EPG5: variants seen among roughly 807,000 people sequenced by gnomAD.
The protein encoded by EPG5 is ectopic P granules protein 5 homolog.
EPG5 carries 159 observed loss-of-function variants against 302.7 expected under a neutral mutation model. That is an observed-to-expected ratio of 0.53 (90% confidence interval 0.46 to 0.60). The LOEUF is 0.60. Among genes scored for constraint, EPG5 ranks in the 20% least tolerant of loss-of-function variants. The pLI is 0.00. For synonymous variants in EPG5, 1,158 were observed against 1,136.8 expected (o/e 1.02, Z -0.37); for missense variants, 2,896 against 3,092.4 (o/e 0.94, Z 1.51).
Position 45,939,590 on chromosome 18 carries a change from TCTTA to T in EPG5, c.2099+6_2099+9del, listed in dbSNP as rs749593041. On this transcript the variant is annotated splice_donor_region_variant and intron_variant, in intron 10 of 43. Transcript: ENST00000282041. ...ACTTCTCACTAAATATCATCATATG[TCTTA>T]CTTACCTTTTGGCCTTCAGCACATG... 5.0e-6 allele frequency: 8 copies of T among 1,613,688 alleles called. No individual in the cohort carries two copies. In the African/African-American group the frequency reaches 9.3e-5, roughly 19 times the overall value.
At chr18:45,868,333 TTTTTCC>T (rs2145284498) in intron 36 of EPG5, among the ~76,000 whole-genome samples, 1 of 150,026 alleles carries the variant, frequency 6.7e-6, no homozygotes, top group African/African-American at 2.5e-5. Flanking sequence ...GCCTTTTTCC[TTTTTCC>T]TTTTTTTTTT....
intron 1 of EPG5, among the ~76,000 whole-genome samples, chr18:45,966,435 C>CGTATATATGTATATATGTGTACATAT (rs2051265281): frequency 7.1e-6 from 1 of 141,652 alleles, no homozygotes; most frequent in Non-Finnish European, 1.5e-5. Flanking sequence ...TATATATGTA[C>CGTATATATGTATATATGTGTACATAT]GTATATATGT....
chr18:45,901,210 T>C lies in EPG5; in HGVS notation c.4475-43A>G, dbSNP rs1313286623. On this transcript the variant is annotated intron_variant, in intron 25 of 43. Transcript: ENST00000282041. ...CATATATACTGAGCAATCAGGTGAA[T>C]TAGCAGGAGAACAGAAGCATGTGGT... 3 of 1,548,768 alleles carry C rather than the reference T, an allele frequency of 1.9e-6. No individual in the cohort carries two copies. In the African/African-American group the frequency reaches 4.1e-5, roughly 21 times the overall value.
rs772879937 is a variant in EPG5, at chr18:45,879,030, G to A, written c.5852C>T (p.Thr1951Ile). ...LEMTCLAQDP[T>I]ASRKTVLKSL... is the part of the protein sequence containing the mutation. ...TATATTACCTGTTTTCCTGCTGGCA[G>A]TTGGGTCTTGGGCCAAACAGGTCAT... The change falls in exon 33 of 44, where the codon ACT becomes ATT. Residue 1951 changes from threonine (T) to isoleucine (I), a missense_variant. Coordinates refer to ENST00000282041, the MANE Select transcript of EPG5 (RefSeq NM_020964.3). 1 of 1,614,102 alleles carries A rather than the reference G, an allele frequency of 6.2e-7. No homozygotes were observed. The highest frequency in any genetic ancestry group is 1.1e-5 in the South Asian group (1 of 91,080).
intron 22 of EPG5, among the ~76,000 whole-genome samples, chr18:45,912,084 G>A (rs911585064): frequency 3.9e-5 from 6 of 152,080 alleles, no homozygotes; most frequent in African/African-American, 1.4e-4. Flanking sequence ...CATGGAAGAT[G>A]GTAAAGAGAA....
At chr18:45,945,023 A>G (rs1474145861) in intron 7 of EPG5, among the ~76,000 whole-genome samples, 1 of 152,202 alleles carries the variant, frequency 6.6e-6, no homozygotes, top group African/African-American at 2.4e-5. Context: ...AAGTTGATTC[A>G]TGTCCCTTAG....
intron 15 of EPG5, 21 bp from the exon 16 acceptor site, chr18:45,922,621 G>A: frequency 1.2e-6 from 2 of 1,611,376 alleles, no homozygotes; most frequent in Non-Finnish European, 1.7e-6. Flanking sequence ...TATTTATTTT[G>A]AGCCACATTA....
chr18:45,868,671 T>C lies in EPG5; in HGVS notation c.6226-923A>G, dbSNP rs184586911. Among the ~76,000 whole-genome samples the C allele has an allele frequency of 9.7e-4, 146 of 150,240 alleles. 2 individuals are homozygous for C. Among genetic ancestry groups the C allele is most frequent in the African/African-American group, 3.4e-3 (140 of 41,136 alleles). On this transcript the variant is annotated intron_variant, in intron 36 of 43. Coordinates refer to ENST00000282041, the MANE Select transcript of EPG5 (RefSeq NM_020964.3). ...GGCGTGAGCCACCGCGCCCGGCCTA[T>C]ATTCCCTTTTTAATGTAATGCTGTA...
rs1262679625 is a variant in EPG5 at position 45,899,413 on chromosome 18, G to A, written c.4800C>T (p.Val1600=). 6.2e-7 allele frequency: 1 copy of A among 1,614,100 alleles called. No individual in the cohort carries two copies. Among genetic ancestry groups the A allele is most frequent in the South Asian group, 1.1e-5 (1 of 91,074 alleles). The change falls in exon 27 of 44, where the codon GTC becomes GTT. Residue 1600 remains valine (V), a synonymous_variant. Coordinates refer to ENST00000282041, the MANE Select transcript of EPG5 (RefSeq NM_020964.3). The part of the protein sequence containing the change: ...SGKKCQGAAV[V]TVQFEGMHKN... ...AAATTTAAACACTTACCTGAACCGT[G>A]ACAACTGCGGCTCCTTGGCATTTCT... is the stretch of plus-strand genomic sequence containing the variant.
intron 39 of EPG5, among the ~76,000 whole-genome samples, chr18:45,863,184 C>A (rs1368200878): frequency 6.6e-6 from 1 of 152,168 alleles, no homozygotes; most frequent in Non-Finnish European, 1.5e-5. Flanking sequence ...TATCCTTAGG[C>A]TTTTGATGTA....
rs2050984639 is a variant in EPG5 at position 45,954,649 on chromosome 18, T to C, written c.753A>G (p.Glu251=). 2 of 1,614,274 alleles carry C rather than the reference T, an allele frequency of 1.2e-6. No individual in the cohort carries two copies. The highest frequency in any genetic ancestry group is 1.1e-5 in the South Asian group (1 of 91,090). The stretch of plus-strand genomic sequence containing the variant: ...GCTGTTCTTTAGTAAATGGTACTAG[T>C]TCCAGTTGAGACGGGAGTTCTGGGT... ...RLYPELPSQL[E]LVPFTKEQLK... The change falls in exon 2 of 44, where the codon GAA becomes GAG. Residue 251 remains glutamate, a synonymous_variant. Transcript: ENST00000282041.
At chr18:45,953,498 T>G (rs140324516) in intron 2 of EPG5, 1 of 985,224 alleles carries the variant, frequency 1.0e-6, no homozygotes. Flanking sequence ...GGGAATGACA[T>G]GTTTCTCCCC....
the EPG5 span, among the ~76,000 whole-genome samples, chr18:45,839,842 C>G: frequency 6.6e-6 from 1 of 152,100 alleles, no homozygotes; most frequent in African/African-American, 2.4e-5. Context: ...TTCTTGGAGC[C>G]CCTCAGAACC....
At chr18:45,925,332 G>A (rs2050243927) in intron 14 of EPG5, among the ~76,000 whole-genome samples, 1 of 152,152 alleles carries the variant, frequency 6.6e-6, no homozygotes, top group Admixed American at 6.5e-5. Context: ...AATTAGTCAG[G>A]TGTGGTGGCA....
At chr18:45,802,506 C>T in the EPG5 span, among the ~76,000 whole-genome samples, 1 of 151,864 alleles carries the variant, frequency 6.6e-6, no homozygotes, top group Admixed American at 6.6e-5. Context: ...GGCGACAGAG[C>T]AAGACTCCAT....
intron 25 of EPG5, among the ~76,000 whole-genome samples, chr18:45,901,399 A>G (rs1248501252): frequency 2.0e-5 from 3 of 152,192 alleles, no homozygotes; most frequent in Non-Finnish European, 2.9e-5. Context: ...CCTTACGCTA[A>G]TATCACGTGG....
At chr18:45,946,587 A>C in intron 7 of EPG5, 76 bp downstream of exon 7, 3 of 1,082,726 alleles carry the variant, frequency 2.8e-6, no homozygotes, top group Non-Finnish European at 4.2e-6. Context: ...CTATGTGAAA[A>C]GTGCTTAGAA....
At chr18:45,871,694 C>T (rs1025742571) in intron 35 of EPG5, among the ~76,000 whole-genome samples, 5 of 152,076 alleles carry the variant, frequency 3.3e-5, no homozygotes, top group African/African-American at 1.2e-4. Context: ...AGACAAATGC[C>T]ACATGCTCTT....
chr18:45,904,298 TA>T (rs1307927563), intron 24 of EPG5, among the ~76,000 whole-genome samples, 181 bp from the exon 25 acceptor site: 1 of 152,212 alleles, frequency 6.6e-6, no homozygotes, highest in Admixed American at 6.5e-5. Flanking sequence ...GCAGTAGCTG[TA>T]AAACTTTTTT....
Sources: allele counts gnomAD v4.1 joint callset (sites outside exome capture counted in the v4.1 genomes callset), GRCh38; gene constraint gnomAD v4.1.1; transcripts MANE v1.5; gene names NCBI Gene and HGNC (gene_info 2026-07-23, HGNC 2026-07-21).